Variants in ABCC5 observed in about 807,000 individuals in gnomAD.
ABCC5 encodes ATP binding cassette subfamily C member 5.
ABCC5 carries 61 observed loss-of-function variants against 160.9 expected under a neutral mutation model. The observed-to-expected ratio is 0.38, with a 90% confidence interval of 0.31 to 0.47. The LOEUF (loss-of-function observed/expected upper bound fraction) is 0.47. Ranked by LOEUF, ABCC5 falls within the 20% of genes least tolerant of loss-of-function variation. The pLI, the probability that ABCC5 is intolerant of heterozygous loss-of-function variation, is 0.99. For missense variants in ABCC5, 1,308 were observed against 1,813.3 expected, an observed-to-expected ratio of 0.72 and a Z score of 5.06; for synonymous variants, 666 against 700.6, an observed-to-expected ratio of 0.95 and a Z score of 0.78.
chr3:183,962,248 A>G (rs1716818706), intron 15 of ABCC5, among the ~76,000 whole-genome samples: 1 of 152,204 alleles, frequency 6.6e-6, no homozygotes, highest in Non-Finnish European at 1.5e-5. Flanking sequence ...ATTTTATAAT[A>G]AAATGTTTAA....
At chr3:183,953,422 T>G in intron 17 of ABCC5, 152 bp from the exon 18 acceptor site, 1 of 674,244 alleles carries the variant, frequency 1.5e-6, no homozygotes, top group Non-Finnish European at 2.4e-6. Flanking sequence ...TTCATCTATT[T>G]AACATTTACT....
chr3:183,959,289 T>C (rs1716515363), intron 17 of ABCC5, among the ~76,000 whole-genome samples: 1 of 152,176 alleles, frequency 6.6e-6, no homozygotes, highest in Non-Finnish European at 1.5e-5. Context: ...CCTGGTGCTA[T>C]ATTGTCAAGA....
Position 183,942,793 on chromosome 3 carries a change from G to A in ABCC5, c.3628C>T (p.Leu1210=), listed in dbSNP as rs763508938. The A allele has an allele frequency of 1.2e-6, 2 of 1,614,096 alleles. No homozygotes were observed. Among genetic ancestry groups the A allele is most frequent in the Non-Finnish European group, 1.7e-6 (2 of 1,180,020 alleles). Residue 1210 remains leucine (L), a synonymous_variant, in exon 25 of 30, where the codon CTA becomes TTA. Transcript: ENST00000334444. ...TTGATCGTGAAGGATACTTTCTTTA[G>A]GACGAGAGGGAGGTTTTCTCGGTAC... ...MRYRENLPLV[L]KKVSFTIKPK...
rs546727677 is a variant in ABCC5 at position 183,991,620 on chromosome 3, A to G, written c.130-2237T>C. On this transcript the variant is annotated intron_variant, in intron 2 of 29. Coordinates refer to ENST00000334444, the MANE Select transcript of ABCC5 (RefSeq NM_005688.4). ...GAAAGCACATAGCCCTGCAAAGCAC[A>G]CTCCTTTCCTTTTGTCAAAGGCAAG... Among the ~76,000 whole-genome samples the G allele has an allele frequency of 5.3e-5, 8 of 152,250 alleles. No individual in the cohort carries two copies. In the South Asian group the frequency reaches 1.7e-3, roughly 32 times the overall value.
chr3:184,000,139 G>A (rs528660948), intron 2 of ABCC5, among the ~76,000 whole-genome samples: 1 of 151,932 alleles, frequency 6.6e-6, no homozygotes, highest in East Asian at 1.9e-4. Context: ...CGGGCAGATC[G>A]CTTGAGCCTA....
chr3:183,926,745 G>T (rs1190930472), intron 28 of ABCC5, among the ~76,000 whole-genome samples: 1 of 151,704 alleles, frequency 6.6e-6, no homozygotes, highest in Admixed American at 6.6e-5. Context: ...AAAGTCTCTT[G>T]CAATTTTAAA....
chr3:183,944,246 G>C (rs2108785345), intron 24 of ABCC5, among the ~76,000 whole-genome samples: 1 of 152,076 alleles, frequency 6.6e-6, no homozygotes, highest in African/African-American at 2.4e-5. Context: ...ATACAAAAAT[G>C]AGCTGGGCCT....
intron 17 of ABCC5, among the ~76,000 whole-genome samples, chr3:183,955,371 G>C (rs1715777705): frequency 6.6e-6 from 1 of 152,150 alleles, no homozygotes; most frequent in South Asian, 2.1e-4. Flanking sequence ...AAATGTTAAT[G>C]CTCGTCAGTT....
At position 183,988,789 on chromosome 3, in the gene ABCC5, T is replaced by A; in HGVS notation, c.288-62A>T. On this transcript the variant is annotated intron_variant, in intron 3 of 29. Coordinates refer to ENST00000334444, the MANE Select transcript of ABCC5 (RefSeq NM_005688.4). The surrounding 1 kb of genome is among the most constrained non-coding windows in gnomAD (Gnocchi z 4.4). ...ACGCACGGAGAGGGCAGCCCGTGTTTAATGGACACTGTTTAGTGAACACAG... is the reference window on the plus strand; with the variant it reads ...ACGCACGGAGAGGGCAGCCCGTGTTAAATGGACACTGTTTAGTGAACACAG... 3 of 1,529,550 alleles carry A rather than the reference T, an allele frequency of 2.0e-6. No individual in the cohort carries two copies. Among genetic ancestry groups the A allele is most frequent in the Non-Finnish European group, 2.7e-6 (3 of 1,125,582 alleles). The allele number at this position is 1,529,550 out of a possible 1,614,324, so 94.7% of individuals were successfully genotyped here. A position where few individuals can be genotyped will look rare whatever the true frequency, so the allele number is the denominator to read the frequency against.
intron 11 of ABCC5, among the ~76,000 whole-genome samples, chr3:183,970,484 A>G (rs1717639666): frequency 6.8e-6 from 1 of 147,210 alleles, no homozygotes; most frequent in African/African-American, 2.5e-5. Flanking sequence ...ACACTGTGCC[A>G]CCCAGGCTGG....
chr3:183,944,667 G>A (rs1714678446), intron 24 of ABCC5, among the ~76,000 whole-genome samples: 1 of 152,142 alleles, frequency 6.6e-6, no homozygotes, highest in Non-Finnish European at 1.5e-5. Context: ...TGCAGCCCAG[G>A]ACAGCTTTGA....
In ABCC5 at chr3:183,928,859, C is replaced by T. The variant is rs377212141; in HGVS notation, c.3855-34G>A. On this transcript the variant is annotated intron_variant, in intron 26 of 29. Transcript: ENST00000334444. ...AAACACAGGAATTTCTCAGTGGTCC[C>T]ACCCTAAGCGACCCATTGGCAAAGG... 7 of 1,584,324 alleles carry T rather than the reference C, an allele frequency of 4.4e-6. No homozygotes were observed. In the African/African-American group the frequency reaches 5.4e-5, roughly 12 times the overall value.
At chr3:183,970,749 T>C (rs1717664621) in intron 11 of ABCC5, among the ~76,000 whole-genome samples, 2 of 152,202 alleles carry the variant, frequency 1.3e-5, no homozygotes, top group African/African-American at 4.8e-5. Context: ...TGTCCCCTTC[T>C]GTCATAGCCC....
intron 26 of ABCC5, among the ~76,000 whole-genome samples, chr3:183,929,547 T>A (rs1178494809): frequency 6.6e-6 from 1 of 152,112 alleles, no homozygotes; most frequent in African/African-American, 2.4e-5. Context: ...AGTATGGGGC[T>A]CCAGGACAGC....
intron 2 of ABCC5, among the ~76,000 whole-genome samples, chr3:183,998,771 C>T (rs1720491017): frequency 6.6e-6 from 1 of 152,120 alleles, no homozygotes; most frequent in African/African-American, 2.4e-5. Context: ...CTCTCTTCCC[C>T]AGGGTGAATA....
intron 18 of ABCC5, 139 bp from the exon 19 acceptor site, chr3:183,952,142 CTCT>C (rs1396430878): frequency 5.7e-4 from 336 of 586,352 alleles, no homozygotes; most frequent in Non-Finnish European, 7.2e-4. Context: ...CTTTGTCCAC[CTCT>C]TTTTTTTTTT....
At chr3:183,971,418 T>A (rs1352823884) in intron 11 of ABCC5, 145 bp downstream of exon 11, 1 of 663,880 alleles carries the variant, frequency 1.5e-6, no homozygotes, top group Non-Finnish European at 2.5e-6. Flanking sequence ...TTTTTTAGAG[T>A]TAGAGCTGGT....
chr3:183,972,056 A>C, intron 10 of ABCC5, 137 bp from the exon 11 acceptor site: 6,732 of 1,524,718 alleles, frequency 4.4e-3, no homozygotes, highest in Non-Finnish European at 5.4e-3. Context: ...AAGGTAGCTC[A>C]TTAGTGCAGC....
Position 183,978,668 on chromosome 3 carries a change from A to G in ABCC5, c.1148-17T>C. Reference sequence around the variant, plus strand: ...CGCGGATTTCTATGAATAAAAAGCAAGCCAATTTCAAAGCAAGTTAAAAGA... The same window carrying G: ...CGCGGATTTCTATGAATAAAAAGCAGGCCAATTTCAAAGCAAGTTAAAAGA... On this transcript the variant is annotated splice_polypyrimidine_tract_variant and intron_variant, in intron 8 of 29. Transcript: ENST00000334444. 6.2e-7 allele frequency: 1 copy of G among 1,610,942 alleles called. No individual in the cohort carries two copies. Among genetic ancestry groups the G allele is most frequent in the South Asian group, 1.1e-5 (1 of 90,806 alleles).
Sources: allele counts gnomAD v4.1 joint callset (sites outside exome capture counted in the v4.1 genomes callset), GRCh38; gene constraint gnomAD v4.1.1; non-coding constraint Gnocchi (gnomAD v3.1); transcripts MANE v1.5; gene names NCBI Gene and HGNC (gene_info 2026-07-23, HGNC 2026-07-21).